The following DLG2 variants were observed in gnomAD, a reference collection of about 807,000 sequenced individuals.
The protein encoded by DLG2 is disks large homolog 2.
In DLG2, 45 loss-of-function variants were observed where a neutral mutation model predicts 132.5. The observed-to-expected ratio is 0.34, with a 90% CI of 0.27 to 0.44. DLG2 has a LOEUF of 0.44. Ranked by LOEUF, DLG2 falls within the 20% of genes least tolerant of loss-of-function variation. The pLI is 1.00. For missense variants in DLG2, 1,045 were observed against 1,196.9 expected (o/e 0.87, Z 1.87); for synonymous variants, 424 against 419.6 (o/e 1.01, Z -0.13).
At chr11:85,385,619 G>C (rs2086260210) in intron 3 of DLG2, among the ~76,000 whole-genome samples, 1 of 152,114 alleles carries the variant, frequency 6.6e-6, no homozygotes, top group Non-Finnish European at 1.5e-5. Flanking sequence ...ATTTTAGCCT[G>C]TTCACATCAG....
chr11:84,362,280 A>G (rs1238242368), intron 7 of DLG2, among the ~76,000 whole-genome samples: 2 of 151,948 alleles, frequency 1.3e-5, no homozygotes, highest in African/African-American at 4.8e-5. Flanking sequence ...TGAAAGAGTA[A>G]ATGCCTTCAT....
intron 6 of DLG2, among the ~76,000 whole-genome samples, chr11:84,868,198 T>C (rs1166244874): frequency 1.3e-5 from 2 of 149,408 alleles, no homozygotes; most frequent in African/African-American, 2.5e-5. Flanking sequence ...AGCATGTAAC[T>C]ATCATGGCCA....
rs184894256 is a variant in DLG2, at chr11:83,780,034, C to T, written c.1825+6656G>A. ...TCTGATGCAATTTCTGATCAAGATC[C>T]ACAGCTGGACTTTAAAAATCTTTCC... On this transcript the variant is annotated intron_variant, in intron 18 of 27. Coordinates refer to ENST00000376104, the MANE Select transcript of DLG2 (RefSeq NM_001142699.3). 4.6e-5 allele frequency among the ~76,000 whole-genome samples: 7 copies of T among 152,216 alleles called. No individual in the cohort carries two copies. The East Asian group carries it at 1.2e-3, about 25-fold the overall frequency.
intron 6 of DLG2, among the ~76,000 whole-genome samples, chr11:84,782,696 A>C (rs926016528): frequency 6.6e-6 from 1 of 152,168 alleles, no homozygotes; most frequent in African/African-American, 2.4e-5. Flanking sequence ...TGAAATATCT[A>C]TTACATGGAG....
At chr11:85,606,705 G>A (rs769668284) in intron 2 of DLG2, among the ~76,000 whole-genome samples, 44 of 152,214 alleles carry the variant, frequency 2.9e-4, no homozygotes, top group East Asian at 3.9e-4. Context: ...GGTCTGCGCC[G>A]CCTTTATGAG....
At chr11:85,057,581 TA>T (rs2063584862) in intron 6 of DLG2, among the ~76,000 whole-genome samples, 1 of 151,574 alleles carries the variant, frequency 6.6e-6, no homozygotes, top group Non-Finnish European at 1.5e-5. Flanking sequence ...TTCCAAATAT[TA>T]AAATAATAAT....
At chr11:84,136,851 T>C (rs2094620117) in intron 9 of DLG2, among the ~76,000 whole-genome samples, 1 of 152,132 alleles carries the variant, frequency 6.6e-6, no homozygotes, top group East Asian at 1.9e-4. Flanking sequence ...GAAAGATCTA[T>C]TGCACTTACT....
intron 2 of DLG2, among the ~76,000 whole-genome samples, chr11:85,616,929 A>G (rs959879783): frequency 6.6e-6 from 1 of 152,218 alleles, no homozygotes. Context: ...CTATCTAGAC[A>G]CAACAACTCA....
At chr11:85,530,347 GTC>G (rs1392783584) in intron 3 of DLG2, among the ~76,000 whole-genome samples, 2 of 141,088 alleles carry the variant, frequency 1.4e-5, no homozygotes, top group Non-Finnish European at 3.1e-5. Context: ...TTGAGACAGA[GTC>G]TCGCTCTGTT....
chr11:83,787,557 G>A lies in DLG2; in HGVS notation c.1723-765C>T, dbSNP rs1043687337. On this transcript the variant is annotated intron_variant, in intron 17 of 27. Transcript: ENST00000376104. ...AGGATGGTCTCGATCTCCTGACCTC[G>A]TGATCCGCCTGCCTCGGCCTCCCAA... Among the ~76,000 whole-genome samples the A allele has an allele frequency of 5.3e-5, 8 of 151,798 alleles. No individual in the cohort carries two copies. The East Asian group carries it at 7.8e-4, about 15-fold the overall frequency.
intron 18 of DLG2, among the ~76,000 whole-genome samples, chr11:83,732,817 G>C (rs112162668): frequency 1.1e-3 from 171 of 152,294 alleles, no homozygotes; most frequent in African/African-American, 3.9e-3. Flanking sequence ...CTGGGGAGGG[G>C]AATGGGGGAA....
intron 16 of DLG2, among the ~76,000 whole-genome samples, chr11:83,850,505 G>A (rs1050141418): frequency 1.3e-5 from 2 of 152,096 alleles, no homozygotes; most frequent in East Asian, 3.9e-4. Context: ...AGAGAGATGG[G>A]GAGTGGGATA....
chr11:85,074,884 TAGAG>T (rs1413614027), intron 6 of DLG2, among the ~76,000 whole-genome samples: 1 of 151,872 alleles, frequency 6.6e-6, no homozygotes, highest in Admixed American at 6.6e-5. Flanking sequence ...CAAGTAAATC[TAGAG>T]AGAGATGCTC....
chr11:84,506,076 G>GTTTTTTTTTT (rs559086542), intron 7 of DLG2, among the ~76,000 whole-genome samples: 2 of 91,412 alleles, frequency 2.2e-5, no homozygotes, highest in African/African-American at 1.4e-4. Flanking sequence ...CAGAGGCTCA[G>GTTTTTTTTTT]TTCTTTTTTT....
At chr11:85,054,412 A>G (rs991674643) in intron 6 of DLG2, among the ~76,000 whole-genome samples, 1 of 152,230 alleles carries the variant, frequency 6.6e-6, no homozygotes. Flanking sequence ...ATGCTTATAC[A>G]CTGCTCGTGA....
intron 6 of DLG2, among the ~76,000 whole-genome samples, chr11:84,573,768 T>C (rs2099491608): frequency 6.6e-6 from 1 of 152,204 alleles, no homozygotes; most frequent in African/African-American, 2.4e-5. Flanking sequence ...TGACTCTAGG[T>C]GTTATTATGA....
At chr11:85,092,296 A>G (rs2068917054) in intron 6 of DLG2, among the ~76,000 whole-genome samples, 1 of 152,216 alleles carries the variant, frequency 6.6e-6, no homozygotes. Flanking sequence ...CCCAAAAGAC[A>G]CAATCTCAGA....
chr11:83,607,169 C>T (rs1485707257), intron 19 of DLG2, among the ~76,000 whole-genome samples: 2 of 152,140 alleles, frequency 1.3e-5, no homozygotes, highest in Non-Finnish European at 2.9e-5. Context: ...TATTTGAACA[C>T]GGTTTGGATA....
chr11:85,097,889 A>G (rs1019939761), intron 6 of DLG2, among the ~76,000 whole-genome samples: 2 of 152,202 alleles, frequency 1.3e-5, no homozygotes, highest in African/African-American at 4.8e-5. Flanking sequence ...CTTACTCTGC[A>G]TGCAATATTT....
Sources: allele counts gnomAD v4.1 joint callset (sites outside exome capture counted in the v4.1 genomes callset), GRCh38; gene constraint gnomAD v4.1.1; transcripts MANE v1.5; gene names NCBI Gene and HGNC (gene_info 2026-07-23, HGNC 2026-07-21).